The following CNOT2 variants were observed in gnomAD, a reference collection of about 807,000 sequenced individuals.
CNOT2 encodes the protein CCR4-NOT transcription complex subunit 2.
A neutral mutation model predicts 72.1 loss-of-function variants in CNOT2; 7 were observed. The ratio of observed to expected loss-of-function variants is 0.10; its 90% CI spans 0.06 to 0.18. CNOT2 has a LOEUF of 0.18. CNOT2 is among the 10% of genes least tolerant of loss of function. The probability of loss-of-function intolerance (pLI) is 1.00; values close to 1 mark genes in which losing one functional copy is unlikely to be tolerated. For synonymous variants in CNOT2, 196 were observed against 225.6 expected (o/e 0.87, Z 1.17); for missense variants, 345 against 660.3 (o/e 0.52, Z 5.23).
At chr12:70,337,363 T>G in intron 8 of CNOT2, 26 bp from the exon 9 acceptor site, 2 of 1,586,200 alleles carry the variant, frequency 1.3e-6, no homozygotes, top group Non-Finnish European at 1.7e-6. Context: ...TCAATTGCAA[T>G]TCTCCGGATT....
chr12:70,299,475 T>G (rs1355384443), intron 2 of CNOT2, among the ~76,000 whole-genome samples: 2 of 150,524 alleles, frequency 1.3e-5, no homozygotes, highest in Admixed American at 1.3e-4. Context: ...CATGCGGTGT[T>G]TGGTTTTTTG....
intron 3 of CNOT2, 35 bp downstream of exon 3, chr12:70,311,052 A>G (rs371872752): frequency 2.0e-6 from 3 of 1,521,260 alleles, no homozygotes; most frequent in Middle Eastern, 1.9e-4. Context: ...TTTTTCAGCA[A>G]TGTAAGTCTG....
chr12:70,319,430 A>G (rs1877917964), intron 4 of CNOT2, 66 bp downstream of exon 4: 2 of 1,434,536 alleles, frequency 1.4e-6, no homozygotes, highest in African/African-American at 1.4e-5. Context: ...TACCAAATAA[A>G]GAACAACCAG....
At chr12:70,291,328 A>G (rs1388162992) in intron 2 of CNOT2, among the ~76,000 whole-genome samples, 2 of 152,212 alleles carry the variant, frequency 1.3e-5, no homozygotes, top group African/African-American at 2.4e-5. Context: ...AAAATATAAG[A>G]TGTTTTCAAG....
intron 6 of CNOT2, chr12:70,331,583 A>G (rs924552102): frequency 6.6e-6 from 1 of 151,826 alleles, no homozygotes; most frequent in African/African-American, 2.4e-5. Flanking sequence ...TATTTCTACT[A>G]TTGACAGATT....
chr12:70,315,775 T>A (rs1877226943), intron 3 of CNOT2, among the ~76,000 whole-genome samples: 1 of 152,180 alleles, frequency 6.6e-6, no homozygotes, highest in African/African-American at 2.4e-5. Context: ...TGTAACTTGT[T>A]GTTTTCAGCA....
chr12:70,277,934 G>A (rs1456768559), intron 1 of CNOT2, among the ~76,000 whole-genome samples, 198 bp from the exon 2 acceptor site: 3 of 152,176 alleles, frequency 2.0e-5, no homozygotes, highest in Admixed American at 6.5e-5. Context: ...TGGGTAGGAA[G>A]AATGTTTCAT....
At chr12:70,341,830 AAGT>A (rs1354379168) in intron 11 of CNOT2, among the ~76,000 whole-genome samples, 1 of 152,198 alleles carries the variant, frequency 6.6e-6, no homozygotes, top group African/African-American at 2.4e-5. Flanking sequence ...AATCAAGTAA[AAGT>A]AGAAAATTTT....
At chr12:70,324,447 C>T (rs1050895619) in intron 4 of CNOT2, among the ~76,000 whole-genome samples, 1 of 151,660 alleles carries the variant, frequency 6.6e-6, no homozygotes, top group African/African-American at 2.4e-5. Flanking sequence ...AGATTTGGTA[C>T]ATTTTGTAGA....
At chr12:70,353,735 T>C in intron 15 of CNOT2, 94 bp from the exon 16 acceptor site, 5 of 1,526,138 alleles carry the variant, frequency 3.3e-6, no homozygotes, top group Non-Finnish European at 4.4e-6. Context: ...TTCATATATA[T>C]TGGGTATTTT....
intron 2 of CNOT2, among the ~76,000 whole-genome samples, chr12:70,294,530 T>A (rs1255101955): frequency 6.6e-6 from 1 of 152,168 alleles, no homozygotes; most frequent in Non-Finnish European, 1.5e-5. Context: ...AATATTATAA[T>A]GCAAAGGAAG....
chr12:70,288,003 G>C lies in CNOT2; in HGVS notation c.48+9729G>C, dbSNP rs932327032. On this transcript the variant is annotated intron_variant, in intron 2 of 15. Transcript: ENST00000229195. ...AGGTTGCAGTCCACATAGGCAATGT[G>C]AATTTATGCTTTTTTGTGGCTATAA... 3.3e-5 allele frequency among the ~76,000 whole-genome samples: 5 copies of C among 149,640 alleles called. 1 individual carries two copies. Among genetic ancestry groups the C allele is most frequent in the Non-Finnish European group, 7.4e-5 (5 of 67,574 alleles).
intron 4 of CNOT2, among the ~76,000 whole-genome samples, chr12:70,320,082 A>AT (rs1878038739): frequency 2.0e-5 from 3 of 151,644 alleles, no homozygotes. Context: ...TATTAGTATG[A>AT]TTTTATCATC....
intron 2 of CNOT2, among the ~76,000 whole-genome samples, chr12:70,280,743 A>G (rs954069662): frequency 6.6e-6 from 1 of 152,150 alleles, no homozygotes; most frequent in Non-Finnish European, 1.5e-5. Context: ...TGACTTTTAA[A>G]TGGGCTTGGT....
At chr12:70,311,852 C>T (rs1464049266) in intron 3 of CNOT2, among the ~76,000 whole-genome samples, 1 of 151,858 alleles carries the variant, frequency 6.6e-6, no homozygotes, top group Non-Finnish European at 1.5e-5. Flanking sequence ...GAGATTTATA[C>T]TGATGTTTGA....
chr12:70,261,305 C>CTTTTTTTTTTTTTTTTTTTTTT (rs71437141), intron 1 of CNOT2, among the ~76,000 whole-genome samples: 1 of 43,340 alleles, frequency 2.3e-5, no homozygotes, highest in Non-Finnish European at 4.2e-5. Flanking sequence ...TTCTTTCTTT[C>CTTTTTTTTTTTTTTTTTTTTTT]TTTTTTTTTT....
intron 3 of CNOT2, among the ~76,000 whole-genome samples, chr12:70,318,372 A>T (rs1387179594): frequency 6.6e-6 from 1 of 151,272 alleles, no homozygotes; most frequent in African/African-American, 2.4e-5. Flanking sequence ...ACAAATCTTT[A>T]TTTTTTTTAA....
chr12:70,246,499 T>C (rs1485457858), intron 1 of CNOT2, among the ~76,000 whole-genome samples: 1 of 152,178 alleles, frequency 6.6e-6, no homozygotes, highest in African/African-American at 2.4e-5. Flanking sequence ...TGGAATTACA[T>C]ACAGTGTTAA....
intron 1 of CNOT2, among the ~76,000 whole-genome samples, chr12:70,269,576 A>C (rs1433381912): frequency 6.6e-6 from 1 of 152,198 alleles, no homozygotes; most frequent in African/African-American, 2.4e-5. Flanking sequence ...ATATAGTATT[A>C]ATAACTTTTA....
Sources: gnomAD v4.1 joint callset for allele counts (sites outside exome capture counted in the v4.1 genomes callset) on GRCh38, gnomAD v4.1.1 for gene constraint, MANE v1.5 for transcripts, NCBI Gene and HGNC (gene_info 2026-07-23, HGNC 2026-07-21) for gene names.